The following ZNF75A variants were observed in gnomAD, a reference collection of about 807,000 sequenced individuals.
ZNF75A encodes the protein zinc finger protein 75A.
In ZNF75A, 36 loss-of-function variants were observed where a neutral mutation model predicts 46.3. That is an observed-to-expected ratio of 0.78 (90% CI 0.60 to 1.03). The LOEUF (loss-of-function observed/expected upper bound fraction) is 1.03, where lower values mean the gene tolerates loss of function less well. Ranked by LOEUF, ZNF75A falls within the 50% of genes least tolerant of loss-of-function variation. The probability of loss-of-function intolerance (pLI) is 0.00; values close to 1 mark genes in which losing one functional copy is unlikely to be tolerated. For synonymous variants in ZNF75A, 234 were observed against 189.9 expected (o/e 1.23, Z -1.91); for missense variants, 595 against 551.3 (o/e 1.08, Z -0.79).
chr16:3,305,819 G>GC (rs1312684614), intron 1 of ZNF75A, 176 bp downstream of exon 1: 1 of 152,232 alleles, frequency 6.6e-6, no homozygotes, highest in Non-Finnish European at 1.5e-5. Flanking sequence ...CCCGCTTTTC[G>GC]CAGCTGTATC....
rs540747361 is a variant in ZNF75A, at chr16:3,315,101, C to T, written c.824-1811C>T. The T allele has an allele frequency of 7.1e-6, 7 of 984,928 alleles. No individual in the cohort carries two copies. The South Asian group carries it at 1.9e-4, about 26-fold the overall frequency. The allele number at this position is 984,928 out of a possible 1,614,324, so 61.0% of individuals were successfully genotyped here. A position where few individuals can be genotyped will look rare whatever the true frequency, so the allele number is the denominator to read the frequency against. On this transcript the variant is annotated intron_variant, in intron 5 of 6. Coordinates refer to ENST00000669516, the MANE Select transcript of ZNF75A (RefSeq NM_001302109.2). ...ATCTTGATCCCTTCCCTTTCCCTTT[C>T]CCCAAACCTTCTCCATCATGTTTTT...
rs1961392233 is a variant in ZNF75A, at chr16:3,318,467, T to C, written c.*598T>C. 2.0e-6 allele frequency: 2 copies of C among 985,268 alleles called. No individual in the cohort carries two copies. Among genetic ancestry groups the C allele is most frequent in the South Asian group, 4.7e-5 (1 of 21,294 alleles). The allele number at this position is 985,268 out of a possible 1,614,324, so 61.0% of individuals were successfully genotyped here. On this transcript the variant is annotated 3_prime_UTR_variant, in exon 7 of 7. Coordinates refer to ENST00000669516, the MANE Select transcript of ZNF75A (RefSeq NM_001302109.2). Reference sequence around the variant, plus strand: ...CCTCTCATTGGTGATGTTTGGAAAATAGAAGACATCTCTAATGGAATCATG... The same window carrying C: ...CCTCTCATTGGTGATGTTTGGAAAACAGAAGACATCTCTAATGGAATCATG...
In ZNF75A at chr16:3,315,007, A is replaced by T. The variant is rs554913191; in HGVS notation, c.823+1832A>T. ...AACTAGATAGTGTAGCGGAGGGTGT[A>T]GGTGGTGTATCCAGATCACCTGGGG... On this transcript the variant is annotated intron_variant, in intron 5 of 6. Coordinates refer to ENST00000669516, the MANE Select transcript of ZNF75A (RefSeq NM_001302109.2). 1.2e-4 allele frequency: 121 copies of T among 985,032 alleles called. No individual in the cohort carries two copies. In the African/African-American group the frequency reaches 2.1e-3, roughly 17 times the overall value. 61.0% of individuals were successfully genotyped at this position (985,032 alleles called of 1,614,324 possible).
chr16:3,318,917 A>G (rs917967105), downstream of ZNF75A: 6 of 864,154 alleles, frequency 6.9e-6, no homozygotes, highest in African/African-American at 9.1e-5. Flanking sequence ...TGTAAGCTCT[A>G]CCTGTCTTTG....
chr16:3,313,861 T>G (rs1960997020), intron 5 of ZNF75A, among the ~76,000 whole-genome samples: 1 of 152,210 alleles, frequency 6.6e-6, no homozygotes, highest in South Asian at 2.1e-4. Flanking sequence ...TCTGCCCTCA[T>G]TTGCTACTGA....
rs773818144 is a variant in ZNF75A at position 3,317,424 on chromosome 16, A to G, written c.1169A>G (p.Asp390Gly). 3 of 1,614,074 alleles carry G rather than the reference A, an allele frequency of 1.9e-6. No individual in the cohort carries two copies. The highest frequency in any genetic ancestry group is 1.6e-4 in the Middle Eastern group (1 of 6,084). ...TWKQELLKLM[D>G]RHKKDCAREK... is the part of the protein sequence containing the mutation. ...AAACAAGAGCTGCTCAAACTTATGG[A>G]TCGTCACAAGAAAGATTGTGCAAGA... The change falls in exon 7 of 7, where the codon GAT becomes GGT. Residue 390 changes from aspartate (D) to glycine (G), a missense_variant. By Grantham distance (94) the Asp-to-Gly change is moderately conservative (BLOSUM62 -1). Coordinates refer to ENST00000669516, the MANE Select transcript of ZNF75A (RefSeq NM_001302109.2).
intron 5 of ZNF75A, among the ~76,000 whole-genome samples, chr16:3,315,340 C>T (rs371461689): frequency 6.6e-6 from 1 of 151,898 alleles, no homozygotes; most frequent in African/African-American, 2.4e-5. Context: ...TACAGGTGCC[C>T]GCCACCATGC....
At chr16:3,313,408 A>G (rs1412102187) in intron 5 of ZNF75A, among the ~76,000 whole-genome samples, 8 of 152,054 alleles carry the variant, frequency 5.3e-5, no homozygotes, top group Admixed American at 4.6e-4. Flanking sequence ...TTTTCCACCA[A>G]ACTTCCTCTT....
intron 5 of ZNF75A, 120 bp downstream of exon 5, chr16:3,313,295 T>A: frequency 1.0e-6 from 1 of 997,720 alleles, no homozygotes; most frequent in Middle Eastern, 2.1e-4. Context: ...CTAGATGGTA[T>A]AGGGGAGGGT....
Position 3,317,832 on chromosome 16 carries a change from G to A in ZNF75A, c.1577G>A (p.Arg526Gln), listed in dbSNP as rs370943522. The change falls in exon 7 of 7, where the codon CGG becomes CAG. Residue 526 changes from arginine to glutamine, a missense_variant. Physicochemically the swap from Arg to Gln is conservative, Grantham distance 43. Coordinates refer to ENST00000669516, the MANE Select transcript of ZNF75A (RefSeq NM_001302109.2). ...CSICRRNFSR[R>Q]SSLLRHQKLH... The stretch of plus-strand genomic sequence containing the variant: ...ATATGCAGGAGAAACTTCAGCAGGC[G>A]GTCAAGCCTTCTTAGACACCAGAAA... 1.6e-5 allele frequency: 25 copies of A among 1,612,856 alleles called. No individual in the cohort carries two copies. The highest frequency in any genetic ancestry group is 1.6e-4 in the Middle Eastern group (1 of 6,080).
intron 1 of ZNF75A, chr16:3,306,527 G>A (rs1170420354): frequency 1.3e-5 from 2 of 151,984 alleles, no homozygotes. Context: ...CCCTGGCCAA[G>A]ATGGTGAAAC....
intron 2 of ZNF75A, chr16:3,309,331 C>A (rs1379704920): frequency 6.6e-6 from 1 of 151,744 alleles, no homozygotes; most frequent in Non-Finnish European, 1.5e-5. Context: ...TGACCGGTGC[C>A]TGTAATCCCG....
At chr16:3,317,156 G>A (rs1961276141) in intron 6 of ZNF75A, 34 bp from the exon 7 acceptor site, 12 of 1,568,164 alleles carry the variant, frequency 7.7e-6, no homozygotes, top group Admixed American at 1.9e-5. Context: ...GCTTGTTCTG[G>A]GATACAGATG....
chr16:3,312,951 C>T, intron 4 of ZNF75A, 98 bp from the exon 5 acceptor site: 1 of 1,416,878 alleles, frequency 7.1e-7, no homozygotes, highest in Non-Finnish European at 9.4e-7. Context: ...AAATCATGTT[C>T]TTTTAATTCC....
At chr16:3,316,623 G>C (rs970178275) in intron 5 of ZNF75A, 11 of 212,278 alleles carry the variant, frequency 5.2e-5, no homozygotes, top group Non-Finnish European at 9.4e-5. Flanking sequence ...TTCCCCCTTG[G>C]TTGGATATAG....
intron 5 of ZNF75A, chr16:3,316,675 A>ACATGTATGGG: frequency 3.0e-6 from 1 of 331,990 alleles, no homozygotes. Flanking sequence ...CTGGATTCCC[A>ACATGTATGGG]TTCCCTATAT....
chr16:3,317,823 T>A lies in ZNF75A; in HGVS notation c.1568T>A (p.Phe523Tyr). The change falls in exon 7 of 7, where the codon TTC becomes TAC. Residue 523 changes from phenylalanine to tyrosine, a missense_variant. Phe to Tyr is a conservative substitution (Grantham distance 22). Coordinates refer to ENST00000669516, the MANE Select transcript of ZNF75A (RefSeq NM_001302109.2). ...ACTTGTAGCATATGCAGGAGAAACTTCAGCAGGCGGTCAAGCCTTCTTAGA... is the reference window on the plus strand; with the variant it reads ...ACTTGTAGCATATGCAGGAGAAACTACAGCAGGCGGTCAAGCCTTCTTAGA... The part of the protein sequence containing the change: ...PYTCSICRRN[F>Y]SRRSSLLRHQ... 4 of 1,613,488 alleles carry A rather than the reference T, an allele frequency of 2.5e-6. No individual in the cohort carries two copies. Among genetic ancestry groups the A allele is most frequent in the Non-Finnish European group, 3.4e-6 (4 of 1,179,624 alleles).
chr16:3,308,692 G>T lies in ZNF75A; in HGVS notation c.264G>T (p.Leu88=). The stretch of plus-strand genomic sequence containing the variant: ...AGATCCACTCAAAAGAGCAGATACT[G>T]GAACTGCTGGTGCTGGAGCAGTTCC... ...KPEIHSKEQI[L]ELLVLEQFLT... Residue 88 remains leucine, a synonymous_variant, in exon 2 of 7, where the codon CTG becomes CTT. Coordinates refer to ENST00000669516, the MANE Select transcript of ZNF75A (RefSeq NM_001302109.2). 1 of 992,996 alleles carries T rather than the reference G, an allele frequency of 1.0e-6. No individual in the cohort carries two copies. The highest frequency in any genetic ancestry group is 4.5e-5 in the South Asian group (1 of 22,354). 61.5% of individuals were successfully genotyped at this position (992,996 alleles called of 1,614,324 possible).
downstream of ZNF75A, among the ~76,000 whole-genome samples, chr16:3,320,367 T>C (rs1039944242): frequency 2.0e-5 from 3 of 152,188 alleles, no homozygotes; most frequent in African/African-American, 7.2e-5. Context: ...TTAATAGAGC[T>C]TGGAAAAGGG....
Sources: allele counts gnomAD v4.1 joint callset (sites outside exome capture counted in the v4.1 genomes callset), GRCh38; gene constraint gnomAD v4.1.1; transcripts MANE v1.5; gene names NCBI Gene and HGNC (gene_info 2026-07-23, HGNC 2026-07-21).